Variants in KMT2C observed in about 807,000 individuals in gnomAD.
KMT2C encodes lysine methyltransferase 2C, also known as histone-lysine N-methyltransferase 2C.
In KMT2C, 88 loss-of-function variants were observed where a neutral mutation model predicts 507.9. That is an observed-to-expected ratio of 0.17 (90% CI 0.15 to 0.21). KMT2C has a LOEUF of 0.21. Ranked by LOEUF, KMT2C falls within the 10% of genes least tolerant of loss-of-function variation. The pLI is 1.00. For synonymous variants in KMT2C, 2,049 were observed against 2,080.8 expected, an observed-to-expected ratio of 0.98 and a Z score of 0.42; for missense variants, 4,954 against 5,957.8, an observed-to-expected ratio of 0.83 and a Z score of 5.55.
intron 6 of KMT2C, among the ~76,000 whole-genome samples, chr7:152,301,940 TA>T (rs2096572714): frequency 6.6e-6 from 1 of 152,236 alleles, no homozygotes; most frequent in African/African-American, 2.4e-5. Context: ...TCAACTTTTT[TA>T]GACAAATTAC....
intron 28 of KMT2C, 43 bp from the exon 29 acceptor site, chr7:152,194,611 A>G (rs2093908224): frequency 6.5e-7 from 1 of 1,531,908 alleles, no homozygotes; most frequent in Non-Finnish European, 9.0e-7. Flanking sequence ...CATTCAGAAT[A>G]CTCACACAAA....
At chr7:152,201,635 A>G (rs1481955766) in intron 26 of KMT2C, among the ~76,000 whole-genome samples, 7 of 147,200 alleles carry the variant, frequency 4.8e-5, no homozygotes, top group Admixed American at 2.7e-4. Context: ...AAAAAAAAAA[A>G]AAAAAAAAGG....
intron 2 of KMT2C, among the ~76,000 whole-genome samples, chr7:152,346,901 C>A (rs1200011163): frequency 6.6e-6 from 1 of 151,848 alleles, no homozygotes. Flanking sequence ...CCGAGGCGGG[C>A]GGATCAGGAG....
chr7:152,351,281 G>A (rs1036702964), intron 2 of KMT2C, among the ~76,000 whole-genome samples: 1 of 152,178 alleles, frequency 6.6e-6, no homozygotes, highest in Non-Finnish European at 1.5e-5. Context: ...AAGAGTGTAT[G>A]TAGTGTACTT....
intron 6 of KMT2C, among the ~76,000 whole-genome samples, chr7:152,276,889 GA>G (rs142048410): frequency 2.9e-5 from 4 of 138,780 alleles, no homozygotes; most frequent in African/African-American, 1.1e-4. Context: ...GTAAGAAAAG[GA>G]AAAAAGTAAC....
In KMT2C at chr7:152,156,333, C is replaced by T. The variant is rs2092041965; in HGVS notation, c.11684G>A (p.Ser3895Asn). ...FTHLKQQNNLSNPPTPPASLP... is the reference protein window; with the variant it reads ...FTHLKQQNNLNNPPTPPASLP... ...AGAGGCAGGGGGTGTTGGAGGATTA[C>T]TTAAATTATTCTGCTGCAGGAGACC... Residue 3895 changes from serine (S) to asparagine (N), a missense_variant, in exon 45 of 59, where the codon AGT becomes AAT. By Grantham distance (46) the Ser-to-Asn change is conservative. This residue lies in a region of KMT2C where 104 missense variants were observed against 134.3 expected (regional missense o/e 0.77). Transcript: ENST00000262189. 6.2e-7 allele frequency: 1 copy of T among 1,613,996 alleles called. No homozygotes were observed. Among genetic ancestry groups the T allele is most frequent in the Admixed American group, 1.7e-5 (1 of 59,998 alleles).
intron 3 of KMT2C, among the ~76,000 whole-genome samples, chr7:152,324,199 T>TA (rs2096802196): frequency 6.6e-6 from 1 of 151,422 alleles, no homozygotes; most frequent in Non-Finnish European, 1.5e-5. Flanking sequence ...GGTTTTGAGA[T>TA]ACAGTGCATA....
chr7:152,158,471 T>C (rs532408677), intron 44 of KMT2C, among the ~76,000 whole-genome samples: 19 of 152,230 alleles, frequency 1.2e-4, no homozygotes, highest in Middle Eastern at 3.4e-3. Context: ...CTTGTCCAGA[T>C]GTCTTTTAGC....
Position 152,180,964 on chromosome 7 carries a change from T to C in KMT2C, c.6896A>G (p.Tyr2299Cys), listed in dbSNP as rs587778494. 10 of 1,614,128 alleles carry C rather than the reference T, an allele frequency of 6.2e-6. No homozygotes were observed. In the South Asian group the frequency reaches 7.7e-5, roughly 12 times the overall value. Reference sequence around the variant, plus strand: ...TCTTGGAGTCATTGGAGACTGATCATAGGGATCACGGGCAGCAGATGGGGA... The same window carrying C: ...TCTTGGAGTCATTGGAGACTGATCACAGGGATCACGGGCAGCAGATGGGGA... The part of the protein sequence containing the change: ...RVSPSAARDP[Y>C]DQSPMTPRSQ... Residue 2299 changes from tyrosine to cysteine, a missense_variant, in exon 36 of 59, where the codon TAT becomes TGT. Transcript: ENST00000262189.
At chr7:152,172,743 T>G (rs867643080) in intron 39 of KMT2C, among the ~76,000 whole-genome samples, 16 of 152,278 alleles carry the variant, frequency 1.1e-4, no homozygotes, top group South Asian at 6.2e-4. Context: ...TTCCTTGTTT[T>G]GAATATACAT....
At chr7:152,428,590 C>T (rs372670104) in intron 1 of KMT2C, among the ~76,000 whole-genome samples, 100 of 151,588 alleles carry the variant, frequency 6.6e-4, no homozygotes, top group Non-Finnish European at 1.2e-3. Flanking sequence ...GAGATCACAC[C>T]ATTGCACTCT....
At chr7:152,301,835 T>C (rs1459560129) in intron 6 of KMT2C, among the ~76,000 whole-genome samples, 1 of 152,188 alleles carries the variant, frequency 6.6e-6, no homozygotes, top group Non-Finnish European at 1.5e-5. Context: ...ACTAGCAAAT[T>C]ACCTTACGTA....
intron 3 of KMT2C, 93 bp from the exon 4 acceptor site, chr7:152,315,431 AT>A (rs1411921384): frequency 1.2e-6 from 1 of 853,490 alleles, no homozygotes; most frequent in African/African-American, 1.7e-5. Flanking sequence ...CTTTTAAATT[AT>A]GTCTAAAGCA....
intron 7 of KMT2C, among the ~76,000 whole-genome samples, chr7:152,267,657 C>T (rs1326467686): frequency 6.6e-6 from 1 of 152,222 alleles, no homozygotes; most frequent in Non-Finnish European, 1.5e-5. Flanking sequence ...ATCATCTCTA[C>T]TTATGGTTCT....
chr7:152,407,671 CAAAA>C (rs11440446), intron 1 of KMT2C, among the ~76,000 whole-genome samples: 1 of 136,264 alleles, frequency 7.3e-6, no homozygotes, highest in African/African-American at 2.7e-5. Flanking sequence ...GACTCTGTCT[CAAAA>C]AAAAAAAAAA....
rs186932638 is a variant in KMT2C at position 152,317,736 on chromosome 7, G to C, written c.390-2398C>G. ...CACTACAGCAACTCAGCCAGGAACA[G>C]TGGCTCACACTGCAACCCCAGTGCT... On this transcript the variant is annotated intron_variant, in intron 3 of 58. Coordinates refer to ENST00000262189, the MANE Select transcript of KMT2C (RefSeq NM_170606.3). Among the ~76,000 whole-genome samples the C allele has an allele frequency of 2.3e-3, 345 of 152,332 alleles. 1 individual carries two copies. Among genetic ancestry groups the C allele is most frequent in the African/African-American group, 7.7e-3 (319 of 41,570 alleles).
chr7:152,308,673 C>CAAAAAAAAAAAAAAAAAAAAAAAAAAAA (rs938826373), intron 6 of KMT2C, among the ~76,000 whole-genome samples: 1 of 24,566 alleles, frequency 4.1e-5, no homozygotes, highest in African/African-American at 1.5e-4. Context: ...AAACTCCTCT[C>CAAAAAAAAAAAAAAAAAAAAAAAAAAAA]AAAAAAAAAA....
intron 43 of KMT2C, among the ~76,000 whole-genome samples, chr7:152,160,893 AT>A (rs1255186194): frequency 6.6e-6 from 1 of 152,170 alleles, no homozygotes; most frequent in Non-Finnish European, 1.5e-5. Flanking sequence ...GAACACGAGC[AT>A]CAACACATAT....
At chr7:152,251,743 T>C (rs1246786222) in intron 11 of KMT2C, among the ~76,000 whole-genome samples, 196 bp downstream of exon 11, 2 of 152,050 alleles carry the variant, frequency 1.3e-5, no homozygotes, top group Non-Finnish European at 2.9e-5. Context: ...AAAACTATCT[T>C]AAGTTAGATT....
Sources: gnomAD v4.1 joint callset for allele counts (sites outside exome capture counted in the v4.1 genomes callset) on GRCh38, gnomAD v4.1.1 for gene constraint, gnomAD v4.1.1 regional missense constraint, MANE v1.5 for transcripts, NCBI Gene and HGNC (gene_info 2026-07-23, HGNC 2026-07-21) for gene names.